PKIA: variants seen among roughly 807,000 people sequenced by gnomAD.
PKIA encodes PKI-alpha.
PKIA carries 4 observed loss-of-function variants against 7.6 expected under a neutral mutation model. That is an observed-to-expected ratio of 0.52 (90% CI 0.26 to 1.20). The LOEUF is 1.20. Among genes scored for constraint, PKIA ranks in the 50% most tolerant of loss-of-function variants. PKIA has a pLI of 0.13. For missense variants in PKIA, 73 were observed against 86.2 expected, an observed-to-expected ratio of 0.85 and a Z score of 0.61; for synonymous variants, 21 against 30.7, an observed-to-expected ratio of 0.68 and a Z score of 1.04.
intron 1 of PKIA, among the ~76,000 whole-genome samples, chr8:78,559,164 C>T (rs1261407535): frequency 6.6e-6 from 1 of 152,136 alleles, no homozygotes; most frequent in Non-Finnish European, 1.5e-5. Flanking sequence ...TCAGGTGATC[C>T]ACCCGCCTCG....
chr8:78,540,841 A>T lies in PKIA; in HGVS notation c.-157+24373A>T, dbSNP rs568544111. ...ATTTTATAATTATTACATTTGAGAAAAATTAGTTTTCTTCCCAAAGGAGGC... is the reference window on the plus strand; with the variant it reads ...ATTTTATAATTATTACATTTGAGAATAATTAGTTTTCTTCCCAAAGGAGGC... On this transcript the variant is annotated intron_variant, in intron 1 of 3. Coordinates refer to ENST00000396418, the MANE Select transcript of PKIA (RefSeq NM_006823.4). Among the ~76,000 whole-genome samples, 517 of 152,160 alleles carry T rather than the reference A, an allele frequency of 3.4e-3. 2 individuals carry two copies. The highest frequency in any genetic ancestry group is 0.012 in the African/African-American group (481 of 41,554).
chr8:78,592,137 C>T (rs1459771451), intron 2 of PKIA, among the ~76,000 whole-genome samples: 1 of 151,856 alleles, frequency 6.6e-6, no homozygotes, highest in Non-Finnish European at 1.5e-5. Flanking sequence ...AAAAAATAGC[C>T]ACTAGGCAGG....
At chr8:78,532,566 C>T (rs1806415450) in intron 1 of PKIA, among the ~76,000 whole-genome samples, 1 of 150,522 alleles carries the variant, frequency 6.6e-6, no homozygotes, top group Non-Finnish European at 1.5e-5. Flanking sequence ...ATTGAACATT[C>T]ACTGAGCCAT....
chr8:78,579,496 C>A (rs1450706257), intron 2 of PKIA, among the ~76,000 whole-genome samples: 1 of 151,988 alleles, frequency 6.6e-6, no homozygotes, highest in Non-Finnish European at 1.5e-5. Flanking sequence ...AGGACCTTTG[C>A]ACTTGTTATT....
chr8:78,585,358 G>C (rs1807924739), intron 2 of PKIA, among the ~76,000 whole-genome samples: 1 of 151,936 alleles, frequency 6.6e-6, no homozygotes, highest in African/African-American at 2.4e-5. Flanking sequence ...AAACTAGCCT[G>C]AAAGATTTGA....
intron 1 of PKIA, among the ~76,000 whole-genome samples, chr8:78,531,738 C>G (rs1806389166): frequency 6.6e-6 from 1 of 152,014 alleles, no homozygotes; most frequent in Admixed American, 6.6e-5. Context: ...TGGATCCCTA[C>G]TCTTTGTTGT....
At chr8:78,522,863 A>T (rs901836438) in intron 1 of PKIA, among the ~76,000 whole-genome samples, 1 of 150,566 alleles carries the variant, frequency 6.6e-6, no homozygotes, top group African/African-American at 2.4e-5. Flanking sequence ...TAAATCTTTT[A>T]TTTTTTTTTC....
At chr8:78,590,670 A>G (rs1563592324) in intron 2 of PKIA, among the ~76,000 whole-genome samples, 2 of 152,026 alleles carry the variant, frequency 1.3e-5, no homozygotes, top group East Asian at 1.9e-4. Flanking sequence ...TTTGGAGAAT[A>G]TATTTTATTT....
At chr8:78,595,171 G>A (rs73687539) in intron 2 of PKIA, among the ~76,000 whole-genome samples, 70 of 152,268 alleles carry the variant, frequency 4.6e-4, no homozygotes, top group African/African-American at 1.5e-3. Context: ...GTGTAGGTAC[G>A]AAAGTAAAGA....
intron 2 of PKIA, among the ~76,000 whole-genome samples, chr8:78,583,768 T>C (rs1490605649): frequency 6.6e-6 from 1 of 152,100 alleles, no homozygotes; most frequent in East Asian, 1.9e-4. Context: ...TAATCTATTA[T>C]AACCTTCCTT....
intron 1 of PKIA, among the ~76,000 whole-genome samples, chr8:78,555,978 A>G (rs964520568): frequency 2.6e-5 from 4 of 152,072 alleles, no homozygotes; most frequent in African/African-American, 9.7e-5. Flanking sequence ...CAAACAGGTA[A>G]TACTATCAGT....
At chr8:78,541,773 T>G (rs1409952458) in intron 1 of PKIA, among the ~76,000 whole-genome samples, 4 of 151,938 alleles carry the variant, frequency 2.6e-5, no homozygotes, top group Non-Finnish European at 4.4e-5. Context: ...TCACATTTTC[T>G]GGCTTCTTCA....
chr8:78,526,656 A>T (rs562625911), intron 1 of PKIA, among the ~76,000 whole-genome samples: 1 of 152,098 alleles, frequency 6.6e-6, no homozygotes, highest in South Asian at 2.1e-4. Context: ...ATACATTTCT[A>T]TTTTATTGAA....
At chr8:78,577,153 C>T (rs937129419) in intron 2 of PKIA, among the ~76,000 whole-genome samples, 15 of 151,922 alleles carry the variant, frequency 9.9e-5, no homozygotes, top group East Asian at 9.7e-4. Flanking sequence ...ATGTGCACAA[C>T]GTGCAGGTTT....
chr8:78,554,246 G>A (rs925413811), intron 1 of PKIA, among the ~76,000 whole-genome samples: 9 of 152,050 alleles, frequency 5.9e-5, no homozygotes, highest in East Asian at 3.9e-4. Flanking sequence ...ACCAGTTGAC[G>A]CCAGGCCAGG....
intron 1 of PKIA, among the ~76,000 whole-genome samples, chr8:78,540,697 C>A (rs1806662602): frequency 6.6e-6 from 1 of 151,536 alleles, no homozygotes; most frequent in Non-Finnish European, 1.5e-5. Context: ...TCTGGTTTTC[C>A]TTTTTTCGCA....
intron 1 of PKIA, among the ~76,000 whole-genome samples, chr8:78,528,876 TAA>T (rs1393156721): frequency 2.0e-5 from 3 of 152,178 alleles, no homozygotes; most frequent in Admixed American, 6.6e-5. Flanking sequence ...TCATTTTTAT[TAA>T]GTGTTATATA....
chr8:78,537,418 G>T (rs1806557540), intron 1 of PKIA, among the ~76,000 whole-genome samples: 1 of 151,828 alleles, frequency 6.6e-6, no homozygotes, highest in Admixed American at 6.6e-5. Flanking sequence ...TTGCCTTTAA[G>T]AGGTGGAAAG....
chr8:78,523,672 C>T (rs2118326669), intron 1 of PKIA, among the ~76,000 whole-genome samples: 1 of 151,610 alleles, frequency 6.6e-6, no homozygotes. Context: ...ATGTTAAGAC[C>T]CCTTTTCCAT....
Sources: allele counts gnomAD v4.1 joint callset (sites outside exome capture counted in the v4.1 genomes callset), GRCh38; gene constraint gnomAD v4.1.1; transcripts MANE v1.5; gene names NCBI Gene and HGNC (gene_info 2026-07-23, HGNC 2026-07-21).